ARMH3: variants seen among roughly 807,000 people sequenced by gnomAD.
The protein encoded by ARMH3 is armadillo like helical domain containing 3.
ARMH3 carries 60 observed loss-of-function variants against 99.1 expected under a neutral mutation model. The ratio of observed to expected loss-of-function variants is 0.61; its 90% CI spans 0.49 to 0.75. The LOEUF (loss-of-function observed/expected upper bound fraction) is 0.75, where lower values mean the gene tolerates loss of function less well. ARMH3 is among the 30% of genes least tolerant of loss of function. ARMH3 has a pLI of 0.00. For synonymous variants in ARMH3, 285 were observed against 292.8 expected (o/e 0.97, Z 0.27); for missense variants, 679 against 843.1 (o/e 0.81, Z 2.41).
chr10:101,962,774 G>C (rs1157644811), intron 20 of ARMH3, among the ~76,000 whole-genome samples: 5 of 152,036 alleles, frequency 3.3e-5, no homozygotes, highest in African/African-American at 7.2e-5. Context: ...CCACTGCTGA[G>C]GTCTATGAAA....
intron 22 of ARMH3, among the ~76,000 whole-genome samples, chr10:101,948,463 A>G (rs1438208072): frequency 1.3e-5 from 2 of 152,238 alleles, no homozygotes; most frequent in African/African-American, 4.8e-5. Context: ...TGGCTACATT[A>G]AAGTCAGACA....
intron 20 of ARMH3, among the ~76,000 whole-genome samples, chr10:101,969,686 T>C (rs1300092260): frequency 6.6e-6 from 1 of 152,224 alleles, no homozygotes; most frequent in East Asian, 1.9e-4. Context: ...GTGAATGCTT[T>C]GGATGTTACT....
At chr10:101,918,699 A>T (rs556915743) in intron 23 of ARMH3, among the ~76,000 whole-genome samples, 2 of 152,364 alleles carry the variant, frequency 1.3e-5, no homozygotes, top group South Asian at 4.1e-4. Flanking sequence ...GGAGCAATTT[A>T]ATCTGGCAAG....
intron 23 of ARMH3, among the ~76,000 whole-genome samples, chr10:101,930,123 A>T (rs986035640): frequency 6.6e-6 from 1 of 152,150 alleles, no homozygotes; most frequent in African/African-American, 2.4e-5. Flanking sequence ...ATACACCATG[A>T]CCAAGTAGGA....
At chr10:101,968,053 AT>A (rs952335645) in intron 20 of ARMH3, among the ~76,000 whole-genome samples, 23 of 152,224 alleles carry the variant, frequency 1.5e-4, no homozygotes, top group African/African-American at 3.9e-4. Flanking sequence ...AAAAAAAAAA[AT>A]AAATAAGGTT....
intron 23 of ARMH3, among the ~76,000 whole-genome samples, chr10:101,898,678 G>A (rs975729563): frequency 6.3e-4 from 96 of 152,228 alleles, no homozygotes; most frequent in African/African-American, 2.1e-3. Flanking sequence ...TACTCAATAC[G>A]CGCACACGCG....
At chr10:101,945,661 T>C (rs1320008663) in intron 22 of ARMH3, among the ~76,000 whole-genome samples, 1 of 151,354 alleles carries the variant, frequency 6.6e-6, no homozygotes, top group Non-Finnish European at 1.5e-5. Context: ...GAGGTTGCAG[T>C]GAGCTGAGAG....
intron 22 of ARMH3, among the ~76,000 whole-genome samples, chr10:101,948,553 A>G (rs1355333656): frequency 6.6e-6 from 1 of 152,260 alleles, no homozygotes; most frequent in East Asian, 1.9e-4. Flanking sequence ...TTGCCAAGAT[A>G]TAATAATCCT....
At chr10:101,889,336 C>A (rs774175349) in intron 24 of ARMH3, 76 bp downstream of exon 24, 16 of 1,367,500 alleles carry the variant, frequency 1.2e-5, no homozygotes, top group Non-Finnish European at 1.7e-5. Flanking sequence ...GTCACAGAAT[C>A]CCCCTGCCAT....
chr10:102,051,319 A>G (rs2067699744), intron 1 of ARMH3, among the ~76,000 whole-genome samples: 1 of 151,464 alleles, frequency 6.6e-6, no homozygotes, highest in Non-Finnish European at 1.5e-5. Context: ...CTAAAAATAC[A>G]AAAAGTAGCT....
chr10:102,020,050 T>G (rs902223121), intron 8 of ARMH3, among the ~76,000 whole-genome samples: 1 of 151,030 alleles, frequency 6.6e-6, no homozygotes, highest in African/African-American at 2.4e-5. Flanking sequence ...ATGTCAAACA[T>G]GTCATCTCAA....
intron 25 of ARMH3, 94 bp downstream of exon 25, chr10:101,849,682 T>G (rs2066541619): frequency 9.6e-6 from 10 of 1,037,382 alleles, no homozygotes; most frequent in Non-Finnish European, 1.3e-5. Flanking sequence ...CCCTCAAGTC[T>G]TGTTTTATCT....
intron 1 of ARMH3, among the ~76,000 whole-genome samples, chr10:102,047,244 A>G (rs975044987): frequency 6.6e-6 from 1 of 151,984 alleles, no homozygotes; most frequent in Non-Finnish European, 1.5e-5. Flanking sequence ...CACTATTTTA[A>G]TTGAGTATAG....
intron 24 of ARMH3, among the ~76,000 whole-genome samples, chr10:101,878,972 A>C (rs1202054399): frequency 6.6e-6 from 1 of 152,194 alleles, no homozygotes; most frequent in African/African-American, 2.4e-5. Context: ...CTGTGCCAGG[A>C]TCTTCCACTT....
chr10:102,037,228 C>T (rs755785865), intron 2 of ARMH3, among the ~76,000 whole-genome samples: 1 of 146,944 alleles, frequency 6.8e-6, no homozygotes, highest in Non-Finnish European at 1.5e-5. Context: ...GTCACCCAGG[C>T]TGTAGTGCAA....
At chr10:101,981,480 T>C (rs752241181) in intron 19 of ARMH3, among the ~76,000 whole-genome samples, 10 of 152,032 alleles carry the variant, frequency 6.6e-5, no homozygotes, top group Non-Finnish European at 1.3e-4. Flanking sequence ...ATAAACAAAA[T>C]GCCTAACAAC....
intron 20 of ARMH3, among the ~76,000 whole-genome samples, chr10:101,958,075 C>T (rs760284280): frequency 4.6e-5 from 7 of 152,212 alleles, no homozygotes; most frequent in Non-Finnish European, 8.8e-5. Context: ...GCTCAATTTA[C>T]AGGTGAAAAT....
intron 23 of ARMH3, among the ~76,000 whole-genome samples, chr10:101,914,332 CAA>C (rs1487176252): frequency 6.6e-6 from 1 of 151,278 alleles, no homozygotes; most frequent in East Asian, 2.0e-4. Flanking sequence ...ACTAAAAATA[CAA>C]AAAGTTAGCC....
intron 25 of ARMH3, among the ~76,000 whole-genome samples, chr10:101,848,277 ATC>A (rs2066506685): frequency 6.6e-6 from 1 of 152,102 alleles, no homozygotes; most frequent in Admixed American, 6.5e-5. Context: ...TCTGGGGCGT[ATC>A]CTTGCTGTGT....
Sources: gnomAD v4.1 joint callset for allele counts (sites outside exome capture counted in the v4.1 genomes callset) on GRCh38, gnomAD v4.1.1 for gene constraint, MANE v1.5 for transcripts, NCBI Gene and HGNC (gene_info 2026-07-23, HGNC 2026-07-21) for gene names.